Variants in SNTB1 observed in about 807,000 individuals in gnomAD.
SNTB1 encodes the protein syntrophin beta 1.
In SNTB1, 36 loss-of-function variants were observed where a neutral mutation model predicts 48.9. That is an observed-to-expected ratio of 0.74 (90% CI 0.56 to 0.97). The LOEUF (loss-of-function observed/expected upper bound fraction) is 0.97. Ranked by LOEUF, SNTB1 falls within the 50% of genes least tolerant of loss-of-function variation. The probability of loss-of-function intolerance (pLI) is 0.00; values close to 1 mark genes in which losing one functional copy is unlikely to be tolerated. For synonymous variants in SNTB1, 299 were observed against 294.6 expected, an observed-to-expected ratio of 1.01 and a Z score of -0.15; for missense variants, 786 against 703.4, an observed-to-expected ratio of 1.12 and a Z score of -1.33.
At chr8:120,634,940 C>T (rs1189532729) in intron 2 of SNTB1, among the ~76,000 whole-genome samples, 2 of 151,922 alleles carry the variant, frequency 1.3e-5, no homozygotes, top group Non-Finnish European at 2.9e-5. Context: ...CAAGCTCCGC[C>T]TCCCAGGTTC....
At chr8:120,707,655 C>T (rs1280994689) in intron 1 of SNTB1, among the ~76,000 whole-genome samples, 1 of 152,050 alleles carries the variant, frequency 6.6e-6, no homozygotes, top group East Asian at 1.9e-4. Context: ...AAAAATTTAA[C>T]AATAAAAAGG....
intron 5 of SNTB1, among the ~76,000 whole-genome samples, chr8:120,543,375 A>G (rs1192746688): frequency 6.6e-6 from 1 of 152,166 alleles, no homozygotes; most frequent in Admixed American, 6.5e-5. Context: ...TTGGAGGCAT[A>G]AGAGCAAGAG....
chr8:120,720,142 C>T (rs370896812), intron 1 of SNTB1, among the ~76,000 whole-genome samples: 2 of 152,172 alleles, frequency 1.3e-5, no homozygotes, highest in South Asian at 2.1e-4. Flanking sequence ...CATAAATAAC[C>T]TATGTCATAA....
chr8:120,641,265 C>T (rs1217541291), intron 2 of SNTB1, among the ~76,000 whole-genome samples: 1 of 152,162 alleles, frequency 6.6e-6, no homozygotes, highest in Admixed American at 6.5e-5. Flanking sequence ...GCTTGCTTTT[C>T]TTTCCTTTCT....
chr8:120,547,142 G>A (rs1354271292), intron 5 of SNTB1, among the ~76,000 whole-genome samples: 2 of 152,164 alleles, frequency 1.3e-5, no homozygotes, highest in Admixed American at 1.3e-4. Context: ...GATGAGATAG[G>A]CAAAGTATTG....
At chr8:120,591,842 C>T (rs1816244501) in intron 3 of SNTB1, among the ~76,000 whole-genome samples, 2 of 152,094 alleles carry the variant, frequency 1.3e-5, no homozygotes, top group African/African-American at 2.4e-5. Flanking sequence ...GATATGCAAG[C>T]ATTTCAGTCT....
At chr8:120,804,625 A>C (rs1185933442) in intron 1 of SNTB1, among the ~76,000 whole-genome samples, 1 of 152,060 alleles carries the variant, frequency 6.6e-6, no homozygotes, top group African/African-American at 2.4e-5. Context: ...ACCTCATGTT[A>C]CTCTAGAGGG....
chr8:120,580,418 T>A (rs1169866363), intron 3 of SNTB1, among the ~76,000 whole-genome samples: 1 of 152,182 alleles, frequency 6.6e-6, no homozygotes, highest in African/African-American at 2.4e-5. Flanking sequence ...CATGCACGTG[T>A]CTTTGAGGAT....
chr8:120,749,517 C>T (rs1210867940), intron 1 of SNTB1, among the ~76,000 whole-genome samples: 3 of 151,972 alleles, frequency 2.0e-5, no homozygotes, highest in Admixed American at 6.6e-5. Flanking sequence ...TATGTATCTA[C>T]GTGATGTATC....
intron 1 of SNTB1, chr8:120,769,779 A>T (rs1819587232): frequency 2.0e-5 from 3 of 152,270 alleles, no homozygotes; most frequent in Non-Finnish European, 1.5e-5. Flanking sequence ...AGCTGTGCAC[A>T]TTAATCCCCA....
In SNTB1 at chr8:120,686,787, T is replaced by A. The variant is rs1818042472; in HGVS notation, c.788+6905A>T. 2.0e-5 allele frequency among the ~76,000 whole-genome samples: 3 copies of A among 152,338 alleles called. No homozygotes were observed. The South Asian group carries it at 6.2e-4, about 32-fold the overall frequency. Reference sequence around the variant, plus strand: ...CAGTTAATCTGGACCTGTTTTTACATATGTAAAACATGCCCACTTATTACA... The same window carrying A: ...CAGTTAATCTGGACCTGTTTTTACAAATGTAAAACATGCCCACTTATTACA... On this transcript the variant is annotated intron_variant, in intron 2 of 6. Coordinates refer to ENST00000517992, the MANE Select transcript of SNTB1 (RefSeq NM_021021.4).
At chr8:120,714,661 T>C (rs1441118979) in intron 1 of SNTB1, among the ~76,000 whole-genome samples, 2 of 152,150 alleles carry the variant, frequency 1.3e-5, no homozygotes, top group Non-Finnish European at 2.9e-5. Context: ...AACTAACAGA[T>C]GGGCTATGGA....
At chr8:120,690,703 G>A (rs1456895914) in intron 2 of SNTB1, among the ~76,000 whole-genome samples, 2 of 152,204 alleles carry the variant, frequency 1.3e-5, no homozygotes, top group Non-Finnish European at 1.5e-5. Context: ...CACTCTGTTA[G>A]ATGTGTCTCT....
chr8:120,612,655 G>A (rs957068560), intron 3 of SNTB1, among the ~76,000 whole-genome samples: 4 of 152,168 alleles, frequency 2.6e-5, no homozygotes, highest in African/African-American at 9.7e-5. Flanking sequence ...CTGGGTTCAA[G>A]CGATTTTCCT....
chr8:120,753,818 G>A (rs1819263878), intron 1 of SNTB1, among the ~76,000 whole-genome samples: 1 of 152,168 alleles, frequency 6.6e-6, no homozygotes, highest in South Asian at 2.1e-4. Flanking sequence ...ATCCACACAT[G>A]TGTCTTATCT....
rs766683107 is a variant in SNTB1, at chr8:120,538,985, AAG to A, written c.1525-18_1525-17del. ...GGTCCAGTTGCTGAAATTTAAAAAG[AAG>A]AGAGCATGAGCGATTTTAAATTAAT... On this transcript the variant is annotated splice_polypyrimidine_tract_variant and intron_variant, in intron 6 of 6. Transcript: ENST00000517992. The A allele has an allele frequency of 5.0e-6, 8 of 1,598,128 alleles. No homozygotes were observed. The highest frequency in any genetic ancestry group is 6.8e-6 in the Non-Finnish European group (8 of 1,171,614).
At chr8:120,636,157 A>C (rs1253146242) in intron 2 of SNTB1, 1 of 195,350 alleles carries the variant, frequency 5.1e-6, no homozygotes, top group East Asian at 1.2e-4. Context: ...GCTGATGCAG[A>C]CTCTCTGCAG....
intron 4 of SNTB1, among the ~76,000 whole-genome samples, chr8:120,559,277 T>C (rs1327539213): frequency 6.6e-6 from 1 of 152,208 alleles, no homozygotes; most frequent in Admixed American, 6.5e-5. Context: ...AACTTGGTTG[T>C]TTAGGGAGGT....
intron 3 of SNTB1, among the ~76,000 whole-genome samples, chr8:120,600,553 C>T (rs1256419037): frequency 6.6e-6 from 1 of 152,126 alleles, no homozygotes; most frequent in African/African-American, 2.4e-5. Flanking sequence ...TAAGCTGCTG[C>T]CCCAGTGAAA....
Sources: gnomAD v4.1 joint callset for allele counts (sites outside exome capture counted in the v4.1 genomes callset) on GRCh38, gnomAD v4.1.1 for gene constraint, MANE v1.5 for transcripts, NCBI Gene and HGNC (gene_info 2026-07-23, HGNC 2026-07-21) for gene names.